The following IFT80 variants were observed in gnomAD, a reference collection of about 807,000 sequenced individuals.
IFT80 encodes the protein intraflagellar transport 80.
IFT80 carries 79 observed loss-of-function variants against 107.9 expected under a neutral mutation model. That is an observed-to-expected ratio of 0.73 (90% CI 0.61 to 0.88). The LOEUF is 0.88. Among genes scored for constraint, IFT80 ranks in the 40% least tolerant of loss-of-function variants. IFT80 has a pLI of 0.00. For synonymous variants in IFT80, 299 were observed against 300.9 expected, an observed-to-expected ratio of 0.99 and a Z score of 0.07; for missense variants, 797 against 914.2, an observed-to-expected ratio of 0.87 and a Z score of 1.65.
chr3:160,347,166 A>G (rs2108345710), intron 8 of IFT80, among the ~76,000 whole-genome samples: 1 of 152,172 alleles, frequency 6.6e-6, no homozygotes, highest in South Asian at 2.1e-4. Flanking sequence ...ACACACCAGC[A>G]AGCCACACCA....
In IFT80 at chr3:160,384,544, T is replaced by C. The variant is rs1382715287; in HGVS notation, c.37+20A>G. 4 of 1,437,124 alleles carry C rather than the reference T, an allele frequency of 2.8e-6. No homozygotes were observed. The highest frequency in any genetic ancestry group is 2.9e-5 in the African/African-American group (2 of 70,060). The allele number at this position is 1,437,124 out of a possible 1,614,324, so 89.0% of individuals were successfully genotyped here. ...ATAATTAAGAAAATCCAATAAGATTTATAAGCATTAAAAGGATATGCTTTG... is the reference window on the plus strand; with the variant it reads ...ATAATTAAGAAAATCCAATAAGATTCATAAGCATTAAAAGGATATGCTTTG... On this transcript the variant is annotated intron_variant, in intron 2 of 19. Transcript: ENST00000326448.
At chr3:160,297,621 A>G (rs1231838033) in intron 12 of IFT80, among the ~76,000 whole-genome samples, 1 of 152,114 alleles carries the variant, frequency 6.6e-6, no homozygotes, top group Non-Finnish European at 1.5e-5. Context: ...GTTGCCAATT[A>G]TGAAAAATAA....
chr3:160,320,054 G>C, intron 8 of IFT80, 115 bp from the exon 9 acceptor site: 4 of 727,628 alleles, frequency 5.5e-6, no homozygotes, highest in Non-Finnish European at 2.3e-6. Context: ...GTCTATTCTG[G>C]AATTATTATT....
At chr3:160,298,057 A>G (rs1168553498) in intron 12 of IFT80, among the ~76,000 whole-genome samples, 6 of 152,196 alleles carry the variant, frequency 3.9e-5, no homozygotes, top group Admixed American at 3.9e-4. Context: ...TAGGGAGAAG[A>G]AGGCAGGCAA....
At chr3:160,390,698 A>G (rs1366711390) in intron 1 of IFT80, among the ~76,000 whole-genome samples, 1 of 152,236 alleles carries the variant, frequency 6.6e-6, no homozygotes, top group Non-Finnish European at 1.5e-5. Flanking sequence ...CACCTAGAAC[A>G]AAGACTATGT....
chr3:160,341,255 GC>G (rs1719873246), intron 8 of IFT80, among the ~76,000 whole-genome samples: 1 of 151,768 alleles, frequency 6.6e-6, no homozygotes, highest in Non-Finnish European at 1.5e-5. Context: ...CAAGAAATCT[GC>G]CTGCCTTGGC....
At chr3:160,392,122 C>A (rs530023573) in intron 1 of IFT80, among the ~76,000 whole-genome samples, 23 of 152,170 alleles carry the variant, frequency 1.5e-4, no homozygotes, top group Non-Finnish European at 3.2e-4. Flanking sequence ...TCTTTTCAAT[C>A]TTGATAAGGG....
rs369779153 is a variant in IFT80 at position 160,282,511 on chromosome 3, G to A, written c.1483C>T (p.Arg495Ter). 30 of 1,596,160 alleles carry A rather than the reference G, an allele frequency of 1.9e-5. No individual in the cohort carries two copies. The highest frequency in any genetic ancestry group is 5.4e-5 in the African/African-American group (4 of 74,420). The change falls in exon 14 of 20, where the codon CGA (arginine) becomes TGA (stop). Residue 495 changes from arginine to a stop codon, truncating the protein, a stop_gained. Coordinates refer to ENST00000326448, the MANE Select transcript of IFT80 (RefSeq NM_020800.3). LOFTEE classifies it high-confidence loss of function. ...NRDLCITSVK[R>*]FGKEEQIIKL... ...ATAATTTGTTCTTCCTTCCCAAATCGTTTCACAGAAGTGATACAGAGATCT... is the reference window on the plus strand; with the variant it reads ...ATAATTTGTTCTTCCTTCCCAAATCATTTCACAGAAGTGATACAGAGATCT...
chr3:160,370,605 G>T (rs1304364620), intron 5 of IFT80, among the ~76,000 whole-genome samples: 6 of 151,864 alleles, frequency 4.0e-5, no homozygotes, highest in Non-Finnish European at 8.8e-5. Context: ...CCCTTGGGGG[G>T]TCTCAACTTC....
intron 9 of IFT80, among the ~76,000 whole-genome samples, chr3:160,314,647 A>C (rs1447028761): frequency 6.6e-6 from 1 of 152,194 alleles, no homozygotes; most frequent in African/African-American, 2.4e-5. Context: ...TAAAATTCTA[A>C]GTTGGGCAAA....
intron 1 of IFT80, among the ~76,000 whole-genome samples, chr3:160,391,980 C>G (rs1713421464): frequency 6.6e-6 from 1 of 152,192 alleles, no homozygotes; most frequent in Non-Finnish European, 1.5e-5. Flanking sequence ...TCCCAAATGT[C>G]TCTTGAGAAA....
At chr3:160,382,041 TTAG>T (rs1247483071) in intron 2 of IFT80, among the ~76,000 whole-genome samples, 4 of 152,144 alleles carry the variant, frequency 2.6e-5, no homozygotes, top group Non-Finnish European at 4.4e-5. Flanking sequence ...CAAAAGAGAC[TTAG>T]TAGATCAAAA....
intron 11 of IFT80, among the ~76,000 whole-genome samples, chr3:160,302,984 T>C (rs1716553483): frequency 6.6e-6 from 1 of 152,174 alleles, no homozygotes; most frequent in Non-Finnish European, 1.5e-5. Context: ...CCATGTTCCC[T>C]TGCCAGGCAG....
chr3:160,341,040 G>A (rs1054597315), intron 8 of IFT80, among the ~76,000 whole-genome samples: 3 of 150,270 alleles, frequency 2.0e-5, no homozygotes, highest in African/African-American at 4.9e-5. Flanking sequence ...TTTGAGACAA[G>A]TTTTCACTCT....
At chr3:160,281,368 CT>C (rs1559917124) in intron 14 of IFT80, among the ~76,000 whole-genome samples, 1 of 152,176 alleles carries the variant, frequency 6.6e-6, no homozygotes, top group African/African-American at 2.4e-5. Context: ...AGAAGACTGA[CT>C]TTTGTCCATT....
chr3:160,319,791 T>G lies in IFT80; in HGVS notation c.926A>C (p.Gln309Pro). Residue 309 changes from glutamine (Q) to proline (P), a missense_variant, in exon 9 of 20, where the codon CAA (glutamine) becomes CCA (proline). Gln to Pro is a moderately conservative substitution (Grantham distance 76). Coordinates refer to ENST00000326448, the MANE Select transcript of IFT80 (RefSeq NM_020800.3). ...GGCTCTTCTTTTCGTTAATGTTACT[T>G]GAAAATTTTTCCACTCCCAATGTTG... is the stretch of plus-strand genomic sequence containing the variant. ...VEQHWEWKNF[Q>P]VTLTKRRAMQ... is the part of the protein sequence containing the mutation. 6.2e-7 allele frequency: 1 copy of G among 1,613,046 alleles called. No homozygotes were observed. Among genetic ancestry groups the G allele is most frequent in the Non-Finnish European group, 8.5e-7 (1 of 1,179,244 alleles).
intron 9 of IFT80, among the ~76,000 whole-genome samples, chr3:160,313,077 T>A (rs1278662898): frequency 5.6e-5 from 6 of 107,706 alleles, no homozygotes; most frequent in Non-Finnish European, 7.1e-5. Context: ...TATATATATT[T>A]TATATAATAT....
chr3:160,333,569 T>TA (rs1418856046), intron 8 of IFT80, among the ~76,000 whole-genome samples: 3 of 152,176 alleles, frequency 2.0e-5, no homozygotes, highest in Non-Finnish European at 2.9e-5. Flanking sequence ...ACTTTCTTGT[T>TA]AAAAACTAAG....
At chr3:160,389,887 ATCCCTGAGGAATCGCC>A (rs1713232948) in intron 1 of IFT80, among the ~76,000 whole-genome samples, 1 of 152,092 alleles carries the variant, frequency 6.6e-6, no homozygotes, top group African/African-American at 2.4e-5. Flanking sequence ...CTAGTTCTAG[ATCCCTGAGGAATCGCC>A]ACACTGACTT....
Sources: allele counts gnomAD v4.1 joint callset (sites outside exome capture counted in the v4.1 genomes callset), GRCh38; gene constraint gnomAD v4.1.1; transcripts MANE v1.5; gene names NCBI Gene and HGNC (gene_info 2026-07-23, HGNC 2026-07-21).